The following PCDHA5 variants were observed in gnomAD, a reference collection of about 807,000 sequenced individuals.
PCDHA5 encodes protocadherin alpha 5.
A neutral mutation model predicts 61.6 loss-of-function variants in PCDHA5; 43 were observed. That is an observed-to-expected ratio of 0.70 (90% CI 0.55 to 0.90). PCDHA5 has a LOEUF of 0.90. Among genes scored for constraint, PCDHA5 ranks in the 40% least tolerant of loss-of-function variants. The pLI, the probability that PCDHA5 is intolerant of heterozygous loss-of-function variation, is 0.00. For missense variants in PCDHA5, 1,298 were observed against 1,222.7 expected (o/e 1.06, Z -0.92); for synonymous variants, 627 against 543.9 (o/e 1.15, Z -2.13).
At chr5:140,928,555 A>T in intron 1 of PCDHA5, 1 of 1,614,240 alleles carries the variant, frequency 6.2e-7, no homozygotes, top group South Asian at 1.1e-5. Flanking sequence ...TTATCCGGTT[A>T]TCTTGTTTCC....
chr5:140,996,164 T>C (rs934521653), intron 3 of PCDHA5, among the ~76,000 whole-genome samples: 2 of 152,246 alleles, frequency 1.3e-5, no homozygotes, highest in African/African-American at 4.8e-5. Context: ...TATACTGCAA[T>C]GTGCTGACAG....
At position 140,967,719 on chromosome 5, in the gene PCDHA5, G is replaced by A. The variant is rs1422649398; in HGVS notation, c.2353-11230G>A. On this transcript the variant is annotated intron_variant, in intron 1 of 3. Coordinates refer to ENST00000529859, the MANE Select transcript of PCDHA5 (RefSeq NM_018908.3). ...ATAGATGCCAGTACCGGGGAAGTGC[G>A]AGTAATTGGGGGGCTGGATTATGAG... 3 of 1,614,052 alleles carry A rather than the reference G, an allele frequency of 1.9e-6. No individual in the cohort carries two copies. In the African/African-American group the frequency reaches 4.0e-5, roughly 22 times the overall value.
intron 1 of PCDHA5, chr5:140,855,963 AT>A: frequency 7.1e-7 from 1 of 1,404,396 alleles, no homozygotes; most frequent in Non-Finnish European, 9.7e-7. Context: ...TAAAAAATAG[AT>A]ATAAGAAATA....
intron 1 of PCDHA5, chr5:140,877,658 T>G: frequency 6.2e-7 from 1 of 1,613,486 alleles, no homozygotes. Context: ...CCGCCCACCG[T>G]GAGCCGGTGC....
intron 1 of PCDHA5, chr5:140,827,923 C>A: frequency 1.0e-6 from 1 of 965,886 alleles, no homozygotes; most frequent in Non-Finnish European, 1.5e-6. Context: ...CGCTGTCTAC[C>A]ATGAAGTTAT....
chr5:140,870,956 G>T (rs1554164932), intron 1 of PCDHA5: 2 of 1,613,520 alleles, frequency 1.2e-6, no homozygotes, highest in East Asian at 2.2e-5. Flanking sequence ...GGCGGCTCGC[G>T]CATCCCGTTC....
chr5:140,994,377 G>C (rs1260163825), intron 3 of PCDHA5, among the ~76,000 whole-genome samples: 3 of 152,098 alleles, frequency 2.0e-5, no homozygotes, highest in Non-Finnish European at 4.4e-5. Context: ...GGAAATTCAG[G>C]GGACTAAGTC....
rs2150250773 is a variant in PCDHA5 at position 140,836,019 on chromosome 5, G to A, written c.2352+11892G>A. 7.4e-6 allele frequency: 12 copies of A among 1,613,252 alleles called. No individual in the cohort carries two copies. In the East Asian group the frequency reaches 1.1e-4, roughly 15 times the overall value. ...GCGCGATGCGGGCGTGCCGCCTCTG[G>A]GCAGCAACGTGACGCTGCAGGTGTT... On this transcript the variant is annotated intron_variant, in intron 1 of 3. Coordinates refer to ENST00000529859, the MANE Select transcript of PCDHA5 (RefSeq NM_018908.3).
chr5:140,876,774 G>A lies in PCDHA5; in HGVS notation c.2352+52647G>A, dbSNP rs370558767. 5.3e-5 allele frequency: 85 copies of A among 1,614,110 alleles called. No homozygotes were observed. The South Asian group carries it at 8.5e-4, about 16-fold the overall frequency. ...CTGCGCGGGATGGGGGCTCGCCTTC[G>A]CTGTGGGCCACGGCTAGAGTGTCCG... is the stretch of plus-strand genomic sequence containing the variant. On this transcript the variant is annotated intron_variant, in intron 1 of 3. Coordinates refer to ENST00000529859, the MANE Select transcript of PCDHA5 (RefSeq NM_018908.3).
intron 1 of PCDHA5, among the ~76,000 whole-genome samples, chr5:140,838,286 T>A (rs1216853722): frequency 2.0e-5 from 3 of 149,522 alleles, no homozygotes; most frequent in Admixed American, 6.7e-5. Flanking sequence ...GCTAATTTTT[T>A]TTTTTTTTTG....
At chr5:140,982,625 T>C in intron 3 of PCDHA5, 62 bp downstream of exon 3, 1 of 1,582,614 alleles carries the variant, frequency 6.3e-7, no homozygotes, top group South Asian at 1.2e-5. Context: ...ATGACCTACT[T>C]TTGTAAGATC....
intron 1 of PCDHA5, chr5:140,864,198 A>G (rs1437307959): frequency 6.6e-6 from 1 of 152,182 alleles, no homozygotes; most frequent in Non-Finnish European, 1.5e-5. Flanking sequence ...TCCTTATGAG[A>G]AGGTCAAATC....
intron 1 of PCDHA5, among the ~76,000 whole-genome samples, chr5:140,916,951 G>A (rs1197063390): frequency 6.6e-6 from 1 of 152,210 alleles, no homozygotes; most frequent in Non-Finnish European, 1.5e-5. Context: ...GAGGCTTGCT[G>A]AGTTCTGACT....
chr5:141,000,279 G>A (rs528257063), intron 3 of PCDHA5, among the ~76,000 whole-genome samples: 60 of 151,092 alleles, frequency 4.0e-4, no homozygotes, highest in Middle Eastern at 3.4e-3. Context: ...GGAGGCAGAG[G>A]TGGGAATATT....
In PCDHA5 at chr5:140,858,410, T is replaced by C; in HGVS notation, c.2352+34283T>C. ...GGTAGATGTGGACGGGGAAGATCAG[T>C]CTATTGGAGGGGACCACTCTAGGAA... On this transcript the variant is annotated intron_variant, in intron 1 of 3. Transcript: ENST00000529859. 7.7e-6 allele frequency: 12 copies of C among 1,565,560 alleles called. 2 individuals are homozygous for C. The highest frequency in any genetic ancestry group is 1.0e-5 in the Non-Finnish European group (12 of 1,147,708).
At chr5:140,848,693 G>C in intron 1 of PCDHA5, 1 of 1,592,386 alleles carries the variant, frequency 6.3e-7, no homozygotes, top group Non-Finnish European at 8.6e-7. Context: ...TGTTCCAGTT[G>C]GATTCCAAAG....
chr5:140,869,249 C>T (rs1554162740), intron 1 of PCDHA5: 2 of 1,613,496 alleles, frequency 1.2e-6, no homozygotes, highest in Admixed American at 3.3e-5. Flanking sequence ...GGCCGCATCG[C>T]GCAGGACCTG....
chr5:140,880,338 C>T (rs887426306), intron 1 of PCDHA5, among the ~76,000 whole-genome samples: 10 of 152,130 alleles, frequency 6.6e-5, no homozygotes, highest in African/African-American at 1.7e-4. Context: ...AAAAATAAGA[C>T]AGGCAGCAGG....
In PCDHA5 at chr5:140,834,653, C is replaced by G. The variant is rs2150223480; in HGVS notation, c.2352+10526C>G. The stretch of plus-strand genomic sequence containing the variant: ...GCATTTTGTTTGTGAATTCTCGGAT[C>G]GACCGCGAGGAGCTGTGCGGGCGGA... On this transcript the variant is annotated intron_variant, in intron 1 of 3. Coordinates refer to ENST00000529859, the MANE Select transcript of PCDHA5 (RefSeq NM_018908.3). 2.5e-6 allele frequency: 4 copies of G among 1,614,190 alleles called. No homozygotes were observed. In the East Asian group the frequency reaches 6.7e-5, roughly 27 times the overall value.
Sources: gnomAD v4.1 joint callset for allele counts (sites outside exome capture counted in the v4.1 genomes callset) on GRCh38, gnomAD v4.1.1 for gene constraint, MANE v1.5 for transcripts, NCBI Gene and HGNC (gene_info 2026-07-23, HGNC 2026-07-21) for gene names.